RERE: variants seen among roughly 807,000 people sequenced by gnomAD.
RERE encodes the protein arginine-glutamic acid dipeptide repeats, also known as arginine-glutamic acid dipeptide repeats protein.
A neutral mutation model predicts 146.1 loss-of-function variants in RERE; 40 were observed. That is an observed-to-expected ratio of 0.27 (90% CI 0.21 to 0.36). The LOEUF (loss-of-function observed/expected upper bound fraction) is 0.36. Ranked by LOEUF, RERE falls within the 10% of genes least tolerant of loss-of-function variation. The pLI, the probability that RERE is intolerant of heterozygous loss-of-function variation, is 1.00. For missense variants in RERE, 1,933 were observed against 2,138.7 expected (o/e 0.90, Z 1.90); for synonymous variants, 1,003 against 866.0 (o/e 1.16, Z -2.78).
At chr1:8,541,406 A>T in intron 6 of RERE, 88 bp from the exon 7 acceptor site, 1 of 730,608 alleles carries the variant, frequency 1.4e-6, no homozygotes, top group Non-Finnish European at 2.4e-6. Flanking sequence ...GGAAGCACTG[A>T]ACTAAGTCCA....
chr1:8,360,194 C>T lies in RERE; in HGVS notation c.3313G>A (p.Glu1105Lys). 1 of 1,596,566 alleles carries T rather than the reference C, an allele frequency of 6.3e-7. No homozygotes were observed. Among genetic ancestry groups the T allele is most frequent in the South Asian group, 1.1e-5 (1 of 88,498 alleles). Reference sequence around the variant, plus strand: ...CTCCTTGGTGGGGGAGGGGGGCTCTCAGGCTCCTCAGCGTCGTCCAGAGCC... The same window carrying T: ...CTCCTTGGTGGGGGAGGGGGGCTCTTAGGCTCCTCAGCGTCGTCCAGAGCC... The part of the protein sequence containing the change: ...EEALDDAEEP[E>K]SPPPPPRSPS... The change falls in exon 18 of 23, where the codon GAG (glutamate) becomes AAG (lysine). Residue 1105 changes from glutamate to lysine, a missense_variant. Physicochemically the swap from Glu to Lys is moderately conservative, Grantham distance 56 (BLOSUM62 1). Around this residue, in one of 11 missense-constraint regions of RERE, gnomAD observed 1,255 missense variants for 1,153.8 expected, o/e 1.09. Coordinates refer to ENST00000400908, the MANE Select transcript of RERE (RefSeq NM_001042681.2).
At chr1:8,462,466 G>C (rs1644539371) in intron 11 of RERE, among the ~76,000 whole-genome samples, 1 of 152,340 alleles carries the variant, frequency 6.6e-6, no homozygotes, top group South Asian at 2.1e-4. Context: ...GCCAGGAACC[G>C]AGCTGAGACT....
intron 1 of RERE, among the ~76,000 whole-genome samples, chr1:8,789,849 C>T (rs1641332363): frequency 6.6e-6 from 1 of 152,160 alleles, no homozygotes; most frequent in South Asian, 2.1e-4. Context: ...TTCGATGGCC[C>T]ACTCAGCTTT....
At chr1:8,726,736 ATAAT>A (rs1208382970) in intron 1 of RERE, among the ~76,000 whole-genome samples, 3 of 152,232 alleles carry the variant, frequency 2.0e-5, no homozygotes, top group Non-Finnish European at 2.9e-5. Context: ...TTAGCCTGAA[ATAAT>A]TAATTCTAAT....
chr1:8,437,898 A>G (rs1008249346), intron 11 of RERE, among the ~76,000 whole-genome samples: 2 of 149,700 alleles, frequency 1.3e-5, no homozygotes, highest in South Asian at 4.3e-4. Context: ...GTCCCCCGAA[A>G]TAGAGTCCTT....
At chr1:8,771,968 T>C (rs1037082279) in intron 1 of RERE, among the ~76,000 whole-genome samples, 1 of 151,794 alleles carries the variant, frequency 6.6e-6, no homozygotes, top group Non-Finnish European at 1.5e-5. Context: ...TTTAGAGACT[T>C]GTGAGAACTC....
At chr1:8,739,815 C>T (rs1640271359) in intron 1 of RERE, among the ~76,000 whole-genome samples, 1 of 96,182 alleles carries the variant, frequency 1.0e-5, no homozygotes, top group African/African-American at 3.4e-5. Flanking sequence ...CACTTCACTC[C>T]ATTATGATTA....
At chr1:8,525,751 T>C (rs561434023) in intron 7 of RERE, 51 of 1,598,190 alleles carry the variant, frequency 3.2e-5, no homozygotes, top group Middle Eastern at 3.3e-4. Context: ...CAGGGGAAGA[T>C]AGCCTACCTG....
intron 10 of RERE, among the ~76,000 whole-genome samples, chr1:8,479,783 A>G (rs1206776600): frequency 6.6e-6 from 1 of 152,184 alleles, no homozygotes; most frequent in African/African-American, 2.4e-5. Flanking sequence ...CTGTCGTTTA[A>G]GCCACCAAGT....
chr1:8,564,870 G>GTGTGTGTGTGTGTATA (rs1269710840), intron 4 of RERE, among the ~76,000 whole-genome samples: 33 of 127,328 alleles, frequency 2.6e-4, no homozygotes, highest in Non-Finnish European at 3.7e-4. Context: ...GTGTGTGTGT[G>GTGTGTGTGTGTGTATA]TATATATATA....
intron 12 of RERE, among the ~76,000 whole-genome samples, chr1:8,384,405 G>A (rs1026285934): frequency 3.7e-4 from 57 of 152,288 alleles, no homozygotes; most frequent in African/African-American, 1.4e-3. Context: ...TGGATGCCAT[G>A]AGGTACTAAA....
chr1:8,358,766 T>C lies in RERE; in HGVS notation c.3769A>G (p.Ser1257Gly), dbSNP rs778553403. Residue 1257 changes from serine (S) to glycine (G), a missense_variant, in exon 20 of 23, where the codon AGC becomes GGC. Coordinates refer to ENST00000400908, the MANE Select transcript of RERE (RefSeq NM_001042681.2). ...ATGACGTGGGGCCGGGCGTACTCGC[T>C]CAGAGTCCGAAGGGCAGGTGTGTCG... ...GPDTPALRTL[S>G]EYARPHVMSP... The C allele has an allele frequency of 6.2e-7, 1 of 1,612,484 alleles. No homozygotes were observed. The highest frequency in any genetic ancestry group is 8.5e-7 in the Non-Finnish European group (1 of 1,179,158).
chr1:8,617,292 G>A (rs1289520603), intron 3 of RERE, among the ~76,000 whole-genome samples: 1 of 135,106 alleles, frequency 7.4e-6, no homozygotes, highest in Non-Finnish European at 1.5e-5. Flanking sequence ...GGAAAGAGCT[G>A]AGATCGTGCC....
chr1:8,558,410 C>A (rs986731720), intron 4 of RERE, among the ~76,000 whole-genome samples: 1 of 152,260 alleles, frequency 6.6e-6, no homozygotes, highest in Admixed American at 6.5e-5. Context: ...CTGCGGCCTC[C>A]TAAAATACTT....
chr1:8,685,065 T>C (rs7554164), intron 1 of RERE, among the ~76,000 whole-genome samples: 124,994 of 151,970 alleles, frequency 0.82, 51,613 homozygotes, highest in East Asian at 0.94. Context: ...ACTATGTTAC[T>C]CAGGGTGGTC....
rs758824401 is a variant in RERE, at chr1:8,465,922, C to T, written c.1203+3G>A. The T allele has an allele frequency of 5.0e-6, 8 of 1,613,696 alleles. No individual in the cohort carries two copies. The highest frequency in any genetic ancestry group is 1.3e-5 in the African/African-American group (1 of 74,914). On this transcript the variant is annotated splice_donor_region_variant and intron_variant, in intron 11 of 22. Coordinates refer to ENST00000400908, the MANE Select transcript of RERE (RefSeq NM_001042681.2). ...CACAAGGCAAATGCTGGTTCCTGCT[C>T]ACCACTTCGTCCTCGGTCCAGCACT...
At chr1:8,545,102 T>C (rs1463753205) in intron 6 of RERE, among the ~76,000 whole-genome samples, 1 of 152,192 alleles carries the variant, frequency 6.6e-6, no homozygotes, top group Non-Finnish European at 1.5e-5. Context: ...GTTTACAGAA[T>C]AGATGAGGAG....
At chr1:8,762,500 T>C (rs1054705190) in intron 1 of RERE, among the ~76,000 whole-genome samples, 1 of 152,200 alleles carries the variant, frequency 6.6e-6, no homozygotes, top group Non-Finnish European at 1.5e-5. Context: ...ATAATTTCCA[T>C]GAAACCAGCC....
chr1:8,481,282 A>C (rs1644830679), intron 10 of RERE, among the ~76,000 whole-genome samples: 1 of 152,032 alleles, frequency 6.6e-6, no homozygotes, highest in Admixed American at 6.6e-5. Flanking sequence ...ATGCCCAGCT[A>C]TCTTTGTATT....
Sources: gnomAD v4.1 joint callset for allele counts (sites outside exome capture counted in the v4.1 genomes callset) on GRCh38, gnomAD v4.1.1 for gene constraint, gnomAD v4.1.1 regional missense constraint, MANE v1.5 for transcripts, NCBI Gene and HGNC (gene_info 2026-07-23, HGNC 2026-07-21) for gene names.